Variants in ADGRL3 observed in about 807,000 individuals in gnomAD.
The protein encoded by ADGRL3 is calcium-independent alpha-latrotoxin receptor 3.
In ADGRL3, 62 loss-of-function variants were observed where a neutral mutation model predicts 153.5. The ratio of observed to expected loss-of-function variants is 0.40; its 90% confidence interval spans 0.33 to 0.50. The LOEUF is 0.50. Among genes scored for constraint, ADGRL3 ranks in the 20% least tolerant of loss-of-function variants. The pLI is 0.47. For missense variants in ADGRL3, 1,641 were observed against 1,859.4 expected (o/e 0.88, Z 2.16); for synonymous variants, 710 against 672.5 (o/e 1.06, Z -0.86).
intron 5 of ADGRL3, among the ~76,000 whole-genome samples, chr4:61,630,391 T>C (rs994632734): frequency 2.0e-5 from 3 of 152,246 alleles, no homozygotes; most frequent in Admixed American, 6.5e-5. Context: ...AATAGCTTGA[T>C]TGAGAAAGAA....
At chr4:61,552,173 C>CAT (rs10694476) in intron 4 of ADGRL3, among the ~76,000 whole-genome samples, 151,819 of 152,252 alleles carry the variant, frequency 1, 75,699 homozygotes, top group Middle Eastern at 1. Context: ...ATAACAGGCT[C>CAT]ATATGTCACT....
intron 4 of ADGRL3, among the ~76,000 whole-genome samples, chr4:61,527,137 G>A (rs1004119976): frequency 6.6e-6 from 1 of 151,796 alleles, no homozygotes; most frequent in Admixed American, 6.6e-5. Context: ...AAAATATCAG[G>A]AATTCAAAAA....
At chr4:61,413,612 T>C (rs1232186264) in intron 2 of ADGRL3, among the ~76,000 whole-genome samples, 1 of 152,156 alleles carries the variant, frequency 6.6e-6, no homozygotes, top group Non-Finnish European at 1.5e-5. Flanking sequence ...CTAAAAGTTT[T>C]CTGAATTACT....
At chr4:61,527,928 T>C (rs186750) in intron 4 of ADGRL3, among the ~76,000 whole-genome samples, 120,178 of 152,056 alleles carry the variant, frequency 0.79, 47,762 homozygotes, top group East Asian at 0.94. Context: ...TCAAACTCCA[T>C]TTTTCTTGGT....
At chr4:61,871,095 G>C (rs56793169) in intron 9 of ADGRL3, among the ~76,000 whole-genome samples, 1 of 149,930 alleles carries the variant, frequency 6.7e-6, no homozygotes, top group Non-Finnish European at 1.5e-5. Flanking sequence ...TGGCTAACAC[G>C]GTGAAACCCC....
At chr4:61,971,194 A>T (rs906048243) in intron 17 of ADGRL3, among the ~76,000 whole-genome samples, 13 of 151,714 alleles carry the variant, frequency 8.6e-5, no homozygotes, top group Non-Finnish European at 5.9e-5. Flanking sequence ...TTTAGGGTAC[A>T]TGTGCACAAT....
At chr4:62,052,861 G>A (rs1337329729) in intron 25 of ADGRL3, among the ~76,000 whole-genome samples, 2 of 151,244 alleles carry the variant, frequency 1.3e-5, no homozygotes, top group African/African-American at 2.4e-5. Context: ...GGACAATACA[G>A]TAATGCCTGG....
intron 10 of ADGRL3, among the ~76,000 whole-genome samples, 189 bp downstream of exon 10, chr4:61,893,147 T>C (rs2098602006): frequency 6.6e-6 from 1 of 151,444 alleles, no homozygotes; most frequent in Non-Finnish European, 1.5e-5. Context: ...TTCTTCTTTC[T>C]TTCTTTCCTC....
chr4:61,411,659 T>C (rs1210976635), intron 2 of ADGRL3, among the ~76,000 whole-genome samples: 3 of 151,714 alleles, frequency 2.0e-5, no homozygotes. Flanking sequence ...CCTTATCTTT[T>C]GTCAGAAAAA....
intron 5 of ADGRL3, among the ~76,000 whole-genome samples, chr4:61,611,964 A>G (rs186270462): frequency 1.2e-3 from 180 of 152,110 alleles, no homozygotes; most frequent in African/African-American, 4.1e-3. Flanking sequence ...TAAGTAACTC[A>G]TTTGCCTTAG....
chr4:61,375,196 G>A (rs1303716856), intron 1 of ADGRL3, among the ~76,000 whole-genome samples: 1 of 152,058 alleles, frequency 6.6e-6, no homozygotes, highest in Non-Finnish European at 1.5e-5. Context: ...GGTAGCATGT[G>A]TTGGCACAAT....
intron 4 of ADGRL3, among the ~76,000 whole-genome samples, chr4:61,585,097 A>G (rs900087204): frequency 1.3e-5 from 2 of 151,898 alleles, no homozygotes; most frequent in African/African-American, 2.4e-5. Context: ...ACTCTCTTCA[A>G]TCAATGCTGT....
chr4:61,212,262 T>C (rs1740413951), intron 1 of ADGRL3: 1 of 152,222 alleles, frequency 6.6e-6, no homozygotes, highest in Non-Finnish European at 1.5e-5. Context: ...TTTGTAGTTA[T>C]GTATCCATCC....
intron 17 of ADGRL3, among the ~76,000 whole-genome samples, chr4:61,966,452 A>C (rs1345238286): frequency 6.6e-6 from 1 of 152,192 alleles, no homozygotes; most frequent in Non-Finnish European, 1.5e-5. Flanking sequence ...TGATAAAGTG[A>C]TAAAAATATA....
In ADGRL3 at chr4:61,386,579, T is replaced by C. The variant is rs185181415; in HGVS notation, c.-174+3390T>C. On this transcript the variant is annotated intron_variant, in intron 2 of 26. Transcript: ENST00000683033. ...TTTACTAAACTTTGTGATAAATCTT[T>C]AGAAGCCTTATTGGAGATTTCTTGC... Among the ~76,000 whole-genome samples the C allele has an allele frequency of 1.8e-4, 28 of 152,302 alleles. 1 individual carries two copies. Among genetic ancestry groups the C allele is most frequent in the African/African-American group, 6.7e-4 (28 of 41,582 alleles).
chr4:61,716,731 C>T (rs1179876158), intron 6 of ADGRL3, among the ~76,000 whole-genome samples: 1 of 152,068 alleles, frequency 6.6e-6, no homozygotes, highest in Non-Finnish European at 1.5e-5. Flanking sequence ...TAAAAGACTG[C>T]CAAATCCTCC....
intron 2 of ADGRL3, among the ~76,000 whole-genome samples, chr4:61,394,356 TC>T (rs1228520254): frequency 6.6e-6 from 1 of 152,006 alleles, no homozygotes; most frequent in Non-Finnish European, 1.5e-5. Context: ...GATAAAATGA[TC>T]AGATAAAAAT....
intron 5 of ADGRL3, among the ~76,000 whole-genome samples, chr4:61,624,853 G>A (rs903612436): frequency 1.2e-4 from 18 of 151,880 alleles, no homozygotes; most frequent in Admixed American, 2.0e-4. Context: ...ACCCCCAAAA[G>A]CAGCTTAAAT....
chr4:61,474,433 T>C (rs2098016438), intron 2 of ADGRL3, among the ~76,000 whole-genome samples: 1 of 152,150 alleles, frequency 6.6e-6, no homozygotes, highest in African/African-American at 2.4e-5. Flanking sequence ...TTGTGATAAA[T>C]ACTGCTTGTA....
Sources: allele counts gnomAD v4.1 joint callset (sites outside exome capture counted in the v4.1 genomes callset), GRCh38; gene constraint gnomAD v4.1.1; transcripts MANE v1.5; gene names NCBI Gene and HGNC (gene_info 2026-07-23, HGNC 2026-07-21).